The following ST6GALNAC3 variants were observed in gnomAD, a reference collection of about 807,000 sequenced individuals.
ST6GALNAC3 encodes the protein ST6 N-acetylgalactosaminide alpha-2,6-sialyltransferase 3.
ST6GALNAC3 carries 25 observed loss-of-function variants against 32.7 expected under a neutral mutation model. That is an observed-to-expected ratio of 0.76 (90% CI 0.56 to 1.07). ST6GALNAC3 has a LOEUF of 1.07. Ranked by LOEUF, ST6GALNAC3 falls within the 50% of genes least tolerant of loss-of-function variation. The pLI is 0.00. For missense variants in ST6GALNAC3, 355 were observed against 382.4 expected (o/e 0.93, Z 0.60); for synonymous variants, 129 against 133.1 (o/e 0.97, Z 0.21).
intron 1 of ST6GALNAC3, among the ~76,000 whole-genome samples, chr1:76,236,502 C>A (rs889005572): frequency 6.6e-6 from 1 of 152,124 alleles, no homozygotes; most frequent in African/African-American, 2.4e-5. Context: ...TACTTGAGAA[C>A]CTACTAAGTG....
At chr1:76,154,577 A>G (rs542259873) in intron 1 of ST6GALNAC3, among the ~76,000 whole-genome samples, 15 of 152,306 alleles carry the variant, frequency 9.8e-5, no homozygotes, top group Non-Finnish European at 1.0e-4. Context: ...TGACGCTCAC[A>G]GAAGCATCCG....
intron 2 of ST6GALNAC3, among the ~76,000 whole-genome samples, chr1:76,320,356 T>C (rs1294694635): frequency 6.6e-6 from 1 of 152,198 alleles, no homozygotes; most frequent in Non-Finnish European, 1.5e-5. Flanking sequence ...TTTCTCTGGA[T>C]TCAATACCTT....
intron 3 of ST6GALNAC3, among the ~76,000 whole-genome samples, chr1:76,590,573 C>A (rs1445131301): frequency 6.6e-6 from 1 of 152,122 alleles, no homozygotes; most frequent in Non-Finnish European, 1.5e-5. Flanking sequence ...AGAGAGCAAA[C>A]AAAGACAAAC....
Position 76,340,133 on chromosome 1 carries a change from A to G in ST6GALNAC3, c.213+26134A>G, listed in dbSNP as rs796370873. ...GAAACCCCCTGGTGAATTTCAAAAC[A>G]CTATGCAAGTATTTAGTCATCATTG... On this transcript the variant is annotated intron_variant, in intron 2 of 4. Coordinates refer to ENST00000328299, the MANE Select transcript of ST6GALNAC3 (RefSeq NM_152996.4). 4.6e-5 allele frequency among the ~76,000 whole-genome samples: 7 copies of G among 152,320 alleles called. 1 individual carries two copies. Among genetic ancestry groups the G allele is most frequent in the African/African-American group, 1.7e-4 (7 of 41,580 alleles).
chr1:76,108,062 GGT>G (rs1202916192), intron 1 of ST6GALNAC3, among the ~76,000 whole-genome samples: 1 of 152,198 alleles, frequency 6.6e-6, no homozygotes, highest in Non-Finnish European at 1.5e-5. Flanking sequence ...TGCTGTAAGA[GGT>G]GGGAGGCAGG....
chr1:76,439,844 G>C (rs1332107065), intron 3 of ST6GALNAC3, among the ~76,000 whole-genome samples: 1 of 152,202 alleles, frequency 6.6e-6, no homozygotes, highest in Non-Finnish European at 1.5e-5. Context: ...TGACTGATCA[G>C]AAGCAGCTTC....
chr1:76,226,809 C>T (rs557007287), intron 1 of ST6GALNAC3, among the ~76,000 whole-genome samples: 22 of 152,160 alleles, frequency 1.4e-4, no homozygotes, highest in African/African-American at 3.9e-4. Context: ...GGATCCATCC[C>T]GCCTACACAC....
chr1:76,163,875 G>A (rs139667366), intron 1 of ST6GALNAC3, among the ~76,000 whole-genome samples: 98 of 152,304 alleles, frequency 6.4e-4, no homozygotes, highest in African/African-American at 2.2e-3. Context: ...TTTGCTAACT[G>A]CCAAAGTTAA....
In ST6GALNAC3 at chr1:76,325,641, A is replaced by T. The variant is rs193221673; in HGVS notation, c.213+11642A>T. On this transcript the variant is annotated intron_variant, in intron 2 of 4. Coordinates refer to ENST00000328299, the MANE Select transcript of ST6GALNAC3 (RefSeq NM_152996.4). ...GTATCTTTCCCAGAGCTCACAGGAC[A>T]ATATTTCCAGCATGCCCCCGGAATG... 3.3e-3 allele frequency among the ~76,000 whole-genome samples: 498 copies of T among 150,346 alleles called. 3 individuals are homozygous for T. The highest frequency in any genetic ancestry group is 0.012 in the African/African-American group (484 of 41,142).
At chr1:76,091,412 G>A (rs1647043955) in intron 1 of ST6GALNAC3, among the ~76,000 whole-genome samples, 1 of 152,230 alleles carries the variant, frequency 6.6e-6, no homozygotes, top group Non-Finnish European at 1.5e-5. Flanking sequence ...ATTGGGAGGA[G>A]TAAGGGACTT....
intron 3 of ST6GALNAC3, among the ~76,000 whole-genome samples, chr1:76,619,105 C>T (rs1162293794): frequency 6.6e-6 from 1 of 152,028 alleles, no homozygotes; most frequent in African/African-American, 2.4e-5. Flanking sequence ...ATTTTGGGTA[C>T]AGACAGGATA....
intron 1 of ST6GALNAC3, among the ~76,000 whole-genome samples, chr1:76,213,955 C>T (rs1655317033): frequency 6.6e-6 from 1 of 152,136 alleles, no homozygotes; most frequent in Non-Finnish European, 1.5e-5. Flanking sequence ...TATGAATGGG[C>T]CACCTGCATC....
intron 1 of ST6GALNAC3, among the ~76,000 whole-genome samples, chr1:76,257,385 G>A (rs976169349): frequency 2.0e-4 from 31 of 152,184 alleles, no homozygotes; most frequent in African/African-American, 7.5e-4. Context: ...GATTTGAGGT[G>A]ACTTGTTAAA....
intron 3 of ST6GALNAC3, among the ~76,000 whole-genome samples, chr1:76,525,721 A>G (rs565942672): frequency 2.4e-4 from 36 of 147,902 alleles, no homozygotes; most frequent in Non-Finnish European, 1.8e-4. Context: ...ACAACTATAT[A>G]TATGTGTGTG....
chr1:76,321,049 C>T (rs1032122289), intron 2 of ST6GALNAC3, among the ~76,000 whole-genome samples: 3 of 151,862 alleles, frequency 2.0e-5, no homozygotes, highest in African/African-American at 7.3e-5. Flanking sequence ...CTACTCTCCA[C>T]CTTCCCTTTA....
chr1:76,231,278 A>G (rs1370023844), intron 1 of ST6GALNAC3, among the ~76,000 whole-genome samples: 1 of 152,240 alleles, frequency 6.6e-6, no homozygotes, highest in African/African-American at 2.4e-5. Flanking sequence ...ACCCCACAGA[A>G]TTATAAACCA....
chr1:76,329,010 A>C (rs1187340603), intron 2 of ST6GALNAC3, among the ~76,000 whole-genome samples: 2 of 152,096 alleles, frequency 1.3e-5, no homozygotes, highest in Non-Finnish European at 2.9e-5. Flanking sequence ...TGATCATTAT[A>C]ATTCTCCTTT....
chr1:76,580,547 G>A (rs971668965), intron 3 of ST6GALNAC3, among the ~76,000 whole-genome samples: 27 of 152,068 alleles, frequency 1.8e-4, no homozygotes, highest in Non-Finnish European at 2.6e-4. Context: ...TTATCTTAGG[G>A]AACCAGCTTC....
At chr1:76,415,494 A>G (rs1051474694) in intron 3 of ST6GALNAC3, among the ~76,000 whole-genome samples, 9 of 151,920 alleles carry the variant, frequency 5.9e-5, no homozygotes, top group Admixed American at 5.3e-4. Flanking sequence ...ATTAATATTT[A>G]CATATTGACT....
Sources: allele counts gnomAD v4.1 joint callset (sites outside exome capture counted in the v4.1 genomes callset), GRCh38; gene constraint gnomAD v4.1.1; transcripts MANE v1.5; gene names NCBI Gene and HGNC (gene_info 2026-07-23, HGNC 2026-07-21).